The following TRMT9B variants were observed in gnomAD, a reference collection of about 807,000 sequenced individuals.
TRMT9B encodes the protein tRNA methyltransferase 9B (putative).
In TRMT9B, 16 loss-of-function variants were observed where a neutral mutation model predicts 11.5. The observed-to-expected ratio is 1.39, with a 90% CI of 0.94 to 2.11. TRMT9B has a LOEUF of 2.11. Ranked by LOEUF, TRMT9B falls within the 30% of genes most tolerant of loss-of-function variation. TRMT9B has a pLI of 0.00. For missense variants in TRMT9B, 941 were observed against 553.8 expected, an observed-to-expected ratio of 1.70 and a Z score of -7.02; for synonymous variants, 274 against 192.4, an observed-to-expected ratio of 1.42 and a Z score of -3.51.
At chr8:13,002,340 C>G (rs887173695) in intron 2 of TRMT9B, among the ~76,000 whole-genome samples, 1 of 152,142 alleles carries the variant, frequency 6.6e-6, no homozygotes, top group African/African-American at 2.4e-5. Flanking sequence ...TGATTGATTC[C>G]TTGAGAAAGG....
At chr8:13,008,814 C>T (rs559832448) in intron 3 of TRMT9B, among the ~76,000 whole-genome samples, 18 of 152,238 alleles carry the variant, frequency 1.2e-4, no homozygotes, top group Admixed American at 3.9e-4. Context: ...CTGCAAGCTC[C>T]GCCTCCCGGG....
intron 4 of TRMT9B, among the ~76,000 whole-genome samples, chr8:13,015,298 T>A (rs1164978323): frequency 9.9e-5 from 15 of 150,798 alleles, no homozygotes. Flanking sequence ...TATCATTTGT[T>A]GTCATTTAAC....
chr8:12,971,075 G>C (rs1438205292), intron 1 of TRMT9B, among the ~76,000 whole-genome samples: 1 of 152,156 alleles, frequency 6.6e-6, no homozygotes, highest in Non-Finnish European at 1.5e-5. Flanking sequence ...TGATTAATCT[G>C]AGTAATTTGC....
In TRMT9B at chr8:13,021,463, A is replaced by G. The variant is rs780117035; in HGVS notation, c.784A>G (p.Arg262Gly). Residue 262 changes from arginine to glycine, a missense_variant, in exon 5 of 5, where the codon AGG becomes GGG. Arg to Gly is a moderately radical substitution (Grantham distance 125, BLOSUM62 -2). Transcript: ENST00000524591. ...CAGATCTTTGGATGAATCGACTCTG[A>G]GGAAGCAAATTGAAAGAGTAAGACC... ...FSRSLDESTL[R>G]KQIERVRPLK... 1.2e-6 allele frequency: 2 copies of G among 1,614,040 alleles called. No individual in the cohort carries two copies. The highest frequency in any genetic ancestry group is 1.7e-6 in the Non-Finnish European group (2 of 1,179,900).
rs1810513089 is a variant in TRMT9B, at chr8:13,006,533, T to C, written c.154+177T>C. ...TTCCATTGAGCCTTTGCTTTTCACA[T>C]TGATTTTTCATTTTTGTTCTAATAG... On this transcript the variant is annotated intron_variant, in intron 3 of 4. Transcript: ENST00000524591. 3 of 1,437,630 alleles carry C rather than the reference T, an allele frequency of 2.1e-6. No homozygotes were observed. The Admixed American group carries it at 8.5e-5, about 41-fold the overall frequency. The allele number at this position is 1,437,630 out of a possible 1,614,324, so 89.1% of individuals were successfully genotyped here.
At chr8:12,987,559 A>G (rs1016098324) in intron 1 of TRMT9B, among the ~76,000 whole-genome samples, 1 of 152,042 alleles carries the variant, frequency 6.6e-6, no homozygotes, top group Admixed American at 6.6e-5. Context: ...ATATGGTGGT[A>G]CACGCCTATA....
chr8:12,974,729 T>G (rs2128870061), intron 1 of TRMT9B, among the ~76,000 whole-genome samples: 1 of 152,322 alleles, frequency 6.6e-6, no homozygotes, highest in Non-Finnish European at 1.5e-5. Flanking sequence ...AGCATTTCAC[T>G]TCTCTTGCAT....
chr8:13,028,307 C>T lies in TRMT9B; in HGVS notation c.*6263C>T, dbSNP rs1477840052. 2 of 167,158 alleles carry T rather than the reference C, an allele frequency of 1.2e-5. No individual in the cohort carries two copies. The highest frequency in any genetic ancestry group is 1.9e-4 in the East Asian group (1 of 5,188). The allele number at this position is 167,158 out of a possible 1,614,324, so 10.4% of individuals were successfully genotyped here. A position where few individuals can be genotyped will look rare whatever the true frequency, so the allele number is the denominator to read the frequency against. ...GTAAGAGCTGTTTGTCAAATTGGAT[C>T]TTCATTTGACAAATAAATACTAGAG... is the stretch of plus-strand genomic sequence containing the variant. On this transcript the variant is annotated 3_prime_UTR_variant, in exon 5 of 5. Coordinates refer to ENST00000524591, the MANE Select transcript of TRMT9B (RefSeq NM_020844.3).
At chr8:12,996,063 A>T (rs961177511) in intron 2 of TRMT9B, among the ~76,000 whole-genome samples, 3 of 152,194 alleles carry the variant, frequency 2.0e-5, no homozygotes, top group Non-Finnish European at 2.9e-5. Context: ...AATAGCAACC[A>T]CCTGCTGCTA....
At chr8:13,018,598 C>T (rs1482983229) in intron 4 of TRMT9B, among the ~76,000 whole-genome samples, 2 of 152,084 alleles carry the variant, frequency 1.3e-5, no homozygotes, top group Non-Finnish European at 2.9e-5. Context: ...TCTCTGTGAA[C>T]ACTGAATTAA....
At chr8:12,989,540 G>A (rs1320816937) in intron 1 of TRMT9B, among the ~76,000 whole-genome samples, 2 of 152,074 alleles carry the variant, frequency 1.3e-5, no homozygotes, top group South Asian at 4.1e-4. Context: ...CTTCTCATTG[G>A]TACTCTTACT....
chr8:13,004,533 C>T (rs915403222), intron 2 of TRMT9B, among the ~76,000 whole-genome samples: 2 of 151,868 alleles, frequency 1.3e-5, no homozygotes, highest in African/African-American at 4.8e-5. Context: ...CAGGCCCTAC[C>T]CCCCAGATGA....
At chr8:12,962,683 G>C (rs1802288051) in intron 1 of TRMT9B, among the ~76,000 whole-genome samples, 1 of 152,074 alleles carries the variant, frequency 6.6e-6, no homozygotes. Flanking sequence ...TAGAGACGGG[G>C]TCTCGCTATG....
intron 1 of TRMT9B, among the ~76,000 whole-genome samples, chr8:12,961,262 C>T (rs190706167): frequency 6.6e-6 from 1 of 152,196 alleles, no homozygotes; most frequent in East Asian, 1.9e-4. Context: ...ATACAGCCTA[C>T]GAATGTTAGT....
At chr8:12,957,430 A>G (rs1265441971) in intron 1 of TRMT9B, among the ~76,000 whole-genome samples, 1 of 151,272 alleles carries the variant, frequency 6.6e-6, no homozygotes. Flanking sequence ...ATCAGAGCCT[A>G]TAACATTCCA....
chr8:13,016,634 T>C lies in TRMT9B; in HGVS notation c.328+3777T>C, dbSNP rs564081441. ...TGGCATATTAGAAAAAGAAATATTG[T>C]TGTACTTACTTTTGGAATAGTCTGA... On this transcript the variant is annotated intron_variant, in intron 4 of 4. Transcript: ENST00000524591. 5.9e-5 allele frequency among the ~76,000 whole-genome samples: 9 copies of C among 151,854 alleles called. 1 individual carries two copies. In the South Asian group the frequency reaches 1.7e-3, roughly 28 times the overall value.
rs554851898 is a variant in TRMT9B, at chr8:13,000,861, T to C, written c.-1-5341T>C. ...AACAGAAGTGAGTTCAAGTGAAGAA[T>C]ATTTCAGGGCTAGAACAGGGTATGG... On this transcript the variant is annotated intron_variant, in intron 2 of 4. Coordinates refer to ENST00000524591, the MANE Select transcript of TRMT9B (RefSeq NM_020844.3). Among the ~76,000 whole-genome samples the C allele has an allele frequency of 8.5e-5, 13 of 152,310 alleles. No individual in the cohort carries two copies. In the South Asian group the frequency reaches 2.5e-3, roughly 29 times the overall value.
At chr8:12,997,666 G>A (rs79763816) in intron 2 of TRMT9B, among the ~76,000 whole-genome samples, 1 of 152,290 alleles carries the variant, frequency 6.6e-6, no homozygotes, top group African/African-American at 2.4e-5. Context: ...GCAGTTTCCA[G>A]ATTTGTGCTA....
Position 12,976,402 on chromosome 8 carries a change from G to A in TRMT9B, c.-199-14432G>A, listed in dbSNP as rs528354125. On this transcript the variant is annotated intron_variant, in intron 1 of 4. Coordinates refer to ENST00000524591, the MANE Select transcript of TRMT9B (RefSeq NM_020844.3). ...TTTTCACTATAAAGTGAATTTCTTG[G>A]TCAGCAGCAACGTTGTGTGAGATAC... is the stretch of plus-strand genomic sequence containing the variant. 6.6e-5 allele frequency among the ~76,000 whole-genome samples: 10 copies of A among 151,494 alleles called. No individual in the cohort carries two copies. In the South Asian group the frequency reaches 2.1e-3, roughly 32 times the overall value.
Sources: allele counts gnomAD v4.1 joint callset (sites outside exome capture counted in the v4.1 genomes callset), GRCh38; gene constraint gnomAD v4.1.1; transcripts MANE v1.5; gene names NCBI Gene and HGNC (gene_info 2026-07-23, HGNC 2026-07-21).